The following MATN1 variants were observed in gnomAD, a reference collection of about 807,000 sequenced individuals.
The protein encoded by MATN1 is matrilin 1.
In MATN1, 34 loss-of-function variants were observed where a neutral mutation model predicts 41.3. The observed-to-expected ratio is 0.82, with a 90% CI of 0.63 to 1.10. MATN1 has a LOEUF of 1.10. Ranked by LOEUF, MATN1 falls within the 50% of genes least tolerant of loss-of-function variation. The pLI is 0.00. For synonymous variants in MATN1, 264 were observed against 278.7 expected, an observed-to-expected ratio of 0.95 and a Z score of 0.53; for missense variants, 602 against 662.4, an observed-to-expected ratio of 0.91 and a Z score of 1.00.
intron 2 of MATN1, chr1:30,719,325 C>A (rs541779135): frequency 4.1e-6 from 1 of 244,600 alleles, no homozygotes; most frequent in Non-Finnish European, 7.9e-6. Context: ...CCTCGTGCCC[C>A]CGGGAGGCCC....
At chr1:30,719,198 A>T in intron 2 of MATN1, 2 of 478,400 alleles carry the variant, frequency 4.2e-6, no homozygotes, top group Non-Finnish European at 7.4e-6. Flanking sequence ...GCCCGGAGGG[A>T]TGTGATGCCC....
rs1639638256 is a variant in MATN1 at position 30,717,714 on chromosome 1, G to A, written c.665-799C>T. On this transcript the variant is annotated intron_variant, in intron 3 of 7. Coordinates refer to ENST00000373765, the MANE Select transcript of MATN1 (RefSeq NM_002379.3). ...CTGTCGCCCAGGCTGGAGTGCAGTG[G>A]CACGATCTCGGCTCACTGCAAGCTC... is the stretch of plus-strand genomic sequence containing the variant. 5.4e-5 allele frequency among the ~76,000 whole-genome samples: 8 copies of A among 147,766 alleles called. 1 individual carries two copies. The Admixed American group carries it at 5.5e-4, about 10-fold the overall frequency.
At chr1:30,723,329 C>T in intron 1 of MATN1, 129 bp downstream of exon 1, 1 of 659,240 alleles carries the variant, frequency 1.5e-6, no homozygotes, top group Non-Finnish European at 2.4e-6. Context: ...CCACTGCCCA[C>T]CACTGCCGCC....
intron 2 of MATN1, chr1:30,719,240 C>T (rs1639666992): frequency 2.3e-6 from 1 of 425,694 alleles, no homozygotes; most frequent in East Asian, 3.8e-5. Flanking sequence ...AAGGTCAGGG[C>T]CATGCCTTCC....
chr1:30,717,512 G>A (rs532492450), intron 3 of MATN1, among the ~76,000 whole-genome samples: 1 of 152,072 alleles, frequency 6.6e-6, no homozygotes, highest in East Asian at 1.9e-4. Context: ...GAAAACTCTG[G>A]CACCCAAAAC....
At chr1:30,716,350 G>T (rs1417949138) in intron 4 of MATN1, 25 bp from the exon 5 acceptor site, 1 of 1,602,376 alleles carries the variant, frequency 6.2e-7, no homozygotes. Flanking sequence ...AAGGCAACGG[G>T]CTGAAGCTGA....
chr1:30,723,555 T>G lies in MATN1; in HGVS notation c.-4A>C. Reference sequence around the variant, plus strand: ...TAGTGCCAGAGAGGACCCTCATAGTTCTGGCAGCACGGGCAGCAGCCGGCA... The same window carrying G: ...TAGTGCCAGAGAGGACCCTCATAGTGCTGGCAGCACGGGCAGCAGCCGGCA... On this transcript the variant is annotated 5_prime_UTR_variant, in exon 1 of 8. Coordinates refer to ENST00000373765, the MANE Select transcript of MATN1 (RefSeq NM_002379.3). 6.5e-7 allele frequency: 1 copy of G among 1,533,522 alleles called. No individual in the cohort carries two copies. Among genetic ancestry groups the G allele is most frequent in the Non-Finnish European group, 8.8e-7 (1 of 1,139,020 alleles). The allele number at this position is 1,533,522 out of a possible 1,614,324, so 95.0% of individuals were successfully genotyped here.
Position 30,711,453 on chromosome 1 carries a change from G to A in MATN1, c.*2129C>T, listed in dbSNP as rs573249929. The stretch of plus-strand genomic sequence containing the variant: ...GATGTGGGAAGTCCATGGAGAGGAC[G>A]GATTTCAAGAGGACCTGGAGTAGCC... On this transcript the variant is annotated 3_prime_UTR_variant, in exon 8 of 8. Coordinates refer to ENST00000373765, the MANE Select transcript of MATN1 (RefSeq NM_002379.3). 6.6e-6 allele frequency: 1 copy of A among 152,202 alleles called. No homozygotes were observed. Among genetic ancestry groups the A allele is most frequent in the Non-Finnish European group, 1.5e-5 (1 of 68,046 alleles). 9.4% of individuals were successfully genotyped at this position (152,202 alleles called of 1,614,324 possible). A position where few individuals can be genotyped will look rare whatever the true frequency, so the allele number is the denominator to read the frequency against.
intron 2 of MATN1, 189 bp downstream of exon 2, chr1:30,721,216 A>G (rs985637304): frequency 1.6e-6 from 1 of 618,962 alleles, no homozygotes; most frequent in Non-Finnish European, 2.8e-6. Context: ...GGTGGCTTCA[A>G]ATCCCAGCTC....
Position 30,712,097 on chromosome 1 carries a change from TG to T in MATN1, c.*1484del, listed in dbSNP as rs368255105. 2.4e-3 allele frequency: 369 copies of T among 152,406 alleles called. 2 individuals carry two copies. The highest frequency in any genetic ancestry group is 8.5e-3 in the African/African-American group (355 of 41,546). The allele number at this position is 152,406 out of a possible 1,614,324, so 9.4% of individuals were successfully genotyped here. A position where few individuals can be genotyped will look rare whatever the true frequency, so the allele number is the denominator to read the frequency against. On this transcript the variant is annotated 3_prime_UTR_variant, in exon 8 of 8. Coordinates refer to ENST00000373765, the MANE Select transcript of MATN1 (RefSeq NM_002379.3). The stretch of plus-strand genomic sequence containing the variant: ...ACTGCCTCCGAGGAAGATCTTTCGG[TG>T]TGGTCTGAGCTTCTTGTAAAAGCCT...
At chr1:30,715,114 C>A in intron 6 of MATN1, 43 bp downstream of exon 6, 1 of 1,607,006 alleles carries the variant, frequency 6.2e-7, no homozygotes, top group Non-Finnish European at 8.5e-7. Flanking sequence ...TCCACAGTGC[C>A]CCACCTGCAA....
intron 6 of MATN1, 100 bp downstream of exon 6, chr1:30,715,057 G>A (rs868225354): frequency 3.2e-5 from 46 of 1,431,924 alleles, no homozygotes; most frequent in African/African-American, 4.2e-5. Context: ...GTGCCACCTC[G>A]GCCCCTGCTT....
At chr1:30,717,448 G>A (rs1244796929) in intron 3 of MATN1, among the ~76,000 whole-genome samples, 1 of 151,900 alleles carries the variant, frequency 6.6e-6, no homozygotes, top group African/African-American at 2.4e-5. Context: ...TCCGAGAAGG[G>A]CTCTGAACCT....
At chr1:30,717,429 C>T (rs145030252) in intron 3 of MATN1, among the ~76,000 whole-genome samples, 3 of 152,238 alleles carry the variant, frequency 2.0e-5, no homozygotes, top group African/African-American at 7.2e-5. Context: ...CCCACACACA[C>T]ACCTCCCCTC....
chr1:30,721,776 G>A (rs758454628), intron 1 of MATN1, 25 bp from the exon 2 acceptor site: 25 of 1,579,074 alleles, frequency 1.6e-5, no homozygotes, highest in Non-Finnish European at 2.1e-5. Context: ...GGAGGGGTAA[G>A]GCAGAGAGCA....
At chr1:30,719,321 G>A in intron 2 of MATN1, 1 of 250,308 alleles carries the variant, frequency 4.0e-6, no homozygotes, top group Non-Finnish European at 7.7e-6. Flanking sequence ...CGCCCCTCGT[G>A]CCCCCGGGAG....
In MATN1 at chr1:30,712,920, T is replaced by A. The variant is rs1188230346; in HGVS notation, c.*662A>T. The stretch of plus-strand genomic sequence containing the variant: ...CATTTAGACTCTCAGCTTTCCCATT[T>A]GTAATGGGGATAATTTGAGTCTTTT... On this transcript the variant is annotated 3_prime_UTR_variant, in exon 8 of 8. Coordinates refer to ENST00000373765, the MANE Select transcript of MATN1 (RefSeq NM_002379.3). 3.9e-5 allele frequency: 6 copies of A among 152,348 alleles called. No homozygotes were observed. Among genetic ancestry groups the A allele is most frequent in the African/African-American group, 1.4e-4 (6 of 41,452 alleles). The allele number at this position is 152,348 out of a possible 1,614,324, so 9.4% of individuals were successfully genotyped here.
chr1:30,721,626 C>T lies in MATN1; in HGVS notation c.220G>A (p.Gly74Arg), dbSNP rs778036773. 6.2e-7 allele frequency: 1 copy of T among 1,613,552 alleles called. No individual in the cohort carries two copies. The highest frequency in any genetic ancestry group is 8.5e-7 in the Non-Finnish European group (1 of 1,180,046). ...ATGCCCACCCGGGTGGCATTGGGCC[C>T]CACGTCCAGCGACTCGATGACCTGG... ...LSQVIESLDV[G>R]PNATRVGMVN... The change falls in exon 2 of 8, where the codon GGG becomes AGG. Residue 74 changes from glycine to arginine, a missense_variant. Gly to Arg is a moderately radical substitution (Grantham distance 125, BLOSUM62 -2). Coordinates refer to ENST00000373765, the MANE Select transcript of MATN1 (RefSeq NM_002379.3).
chr1:30,719,328 G>T (rs998735878), intron 2 of MATN1: 25 of 244,558 alleles, frequency 1.0e-4, no homozygotes, highest in African/African-American at 4.7e-4. Flanking sequence ...CGTGCCCCCG[G>T]GAGGCCCGGC....
Sources: gnomAD v4.1 joint callset for allele counts (sites outside exome capture counted in the v4.1 genomes callset) on GRCh38, gnomAD v4.1.1 for gene constraint, MANE v1.5 for transcripts, NCBI Gene and HGNC (gene_info 2026-07-23, HGNC 2026-07-21) for gene names.